PLPP4: variants seen among roughly 807,000 people sequenced by gnomAD.
The protein encoded by PLPP4 is phospholipid phosphatase 4.
Under a neutral mutation model 32.2 loss-of-function variants are expected in PLPP4, and 20 were observed. The observed-to-expected ratio is 0.62, with a 90% CI of 0.44 to 0.90. The LOEUF (loss-of-function observed/expected upper bound fraction) is 0.90. Among genes scored for constraint, PLPP4 ranks in the 40% least tolerant of loss-of-function variants. PLPP4 has a pLI of 0.00. For missense variants in PLPP4, 257 were observed against 353.1 expected (o/e 0.73, Z 2.18); for synonymous variants, 127 against 133.0 (o/e 0.95, Z 0.31).
chr10:120,590,813 G>A lies in PLPP4; in HGVS notation c.*1311G>A, dbSNP rs1264914015. Among the ~76,000 whole-genome samples the A allele has an allele frequency of 7.1e-6, 1 of 141,752 alleles. No homozygotes were observed. Among genetic ancestry groups the A allele is most frequent in the African/African-American group, 2.7e-5 (1 of 37,260 alleles). 93.0% of individuals were successfully genotyped at this position (141,752 alleles called of 152,430 possible). A position where few individuals can be genotyped will look rare whatever the true frequency, so the allele number is the denominator to read the frequency against. ...GATGGAGTCTCGCTGTGTCGAGACT[G>A]CACTGGAGTGCAGTGGCGTGATCTT... On this transcript the variant is annotated 3_prime_UTR_variant, in exon 7 of 7. Coordinates refer to ENST00000398250, the MANE Select transcript of PLPP4 (RefSeq NM_001030059.3).
intron 5 of PLPP4, among the ~76,000 whole-genome samples, chr10:120,574,318 A>G (rs951805186): frequency 2.6e-5 from 4 of 151,862 alleles, no homozygotes; most frequent in Admixed American, 2.6e-4. Flanking sequence ...GTGACTCTGT[A>G]TAGCCAGGGT....
chr10:120,555,344 T>A (rs1408290829), intron 5 of PLPP4, among the ~76,000 whole-genome samples: 2 of 152,192 alleles, frequency 1.3e-5, no homozygotes, highest in African/African-American at 4.8e-5. Context: ...TTCTAGTGTT[T>A]AAATCACATT....
chr10:120,579,700 G>A (rs1849390104), intron 6 of PLPP4, among the ~76,000 whole-genome samples: 1 of 152,064 alleles, frequency 6.6e-6, no homozygotes, highest in African/African-American at 2.4e-5. Context: ...TTTTGTTACT[G>A]ATAAACCCAG....
At chr10:120,532,525 C>T (rs1249281421) in intron 5 of PLPP4, among the ~76,000 whole-genome samples, 1 of 152,110 alleles carries the variant, frequency 6.6e-6, no homozygotes, top group Non-Finnish European at 1.5e-5. Context: ...AGTATATTGT[C>T]TATTGTATAT....
chr10:120,580,906 T>A, intron 6 of PLPP4: 1 of 1,289,340 alleles, frequency 7.8e-7, no homozygotes, highest in Non-Finnish European at 1.0e-6. Context: ...AGTTGGCTGC[T>A]GTGTATGGCA....
intron 1 of PLPP4, among the ~76,000 whole-genome samples, chr10:120,487,036 G>A (rs1358061724): frequency 6.6e-6 from 1 of 152,248 alleles, no homozygotes; most frequent in Non-Finnish European, 1.5e-5. Flanking sequence ...ATGAGATAAC[G>A]AGGAGGAAGA....
intron 5 of PLPP4, among the ~76,000 whole-genome samples, chr10:120,558,290 A>G (rs1848252036): frequency 6.6e-6 from 1 of 152,004 alleles, no homozygotes; most frequent in Non-Finnish European, 1.5e-5. Context: ...TGAACTTTAC[A>G]TAAAGGGAGT....
intron 2 of PLPP4, among the ~76,000 whole-genome samples, chr10:120,505,961 G>A (rs1012591902): frequency 1.3e-4 from 20 of 152,294 alleles, no homozygotes; most frequent in Admixed American, 1.1e-3. Context: ...CATATGGGAT[G>A]TTGTGAGAAA....
intron 6 of PLPP4, among the ~76,000 whole-genome samples, chr10:120,583,548 A>G (rs1468365641): frequency 6.6e-6 from 1 of 152,194 alleles, no homozygotes; most frequent in Non-Finnish European, 1.5e-5. Flanking sequence ...CTAATTCTAG[A>G]ACATTTTCAT....
At chr10:120,569,136 G>C (rs1193322413) in intron 5 of PLPP4, among the ~76,000 whole-genome samples, 6 of 152,052 alleles carry the variant, frequency 3.9e-5, no homozygotes, top group Non-Finnish European at 8.8e-5. Flanking sequence ...CTACTCAGGA[G>C]GCTGAGGCAG....
chr10:120,534,806 G>A (rs1048028946), intron 5 of PLPP4, among the ~76,000 whole-genome samples: 2 of 151,882 alleles, frequency 1.3e-5, no homozygotes, highest in Non-Finnish European at 2.9e-5. Flanking sequence ...TTTATAATTT[G>A]TGTCTTTATT....
intron 5 of PLPP4, among the ~76,000 whole-genome samples, chr10:120,525,456 A>T (rs1846347258): frequency 6.6e-6 from 1 of 152,212 alleles, no homozygotes; most frequent in Non-Finnish European, 1.5e-5. Context: ...ATGAAGATTC[A>T]ACAGATGATT....
intron 4 of PLPP4, among the ~76,000 whole-genome samples, chr10:120,519,255 A>C (rs1846055874): frequency 6.6e-6 from 1 of 152,042 alleles, no homozygotes; most frequent in Non-Finnish European, 1.5e-5. Flanking sequence ...TCTCTTCAGG[A>C]TGAGACATAT....
chr10:120,487,687 T>C (rs1465796117), intron 1 of PLPP4, among the ~76,000 whole-genome samples: 1 of 152,188 alleles, frequency 6.6e-6, no homozygotes, highest in Non-Finnish European at 1.5e-5. Flanking sequence ...CTGAAACTTT[T>C]GGCTTCTCCA....
At chr10:120,497,392 T>C (rs1665626675) in intron 1 of PLPP4, among the ~76,000 whole-genome samples, 1 of 152,134 alleles carries the variant, frequency 6.6e-6, no homozygotes, top group South Asian at 2.1e-4. Context: ...TTTGCTTGCC[T>C]TCCACTCACT....
intron 5 of PLPP4, among the ~76,000 whole-genome samples, chr10:120,561,940 G>C (rs1219334063): frequency 6.6e-6 from 1 of 152,156 alleles, no homozygotes; most frequent in Admixed American, 6.5e-5. Context: ...CTTTTCTTCG[G>C]AAGTGTCTTA....
chr10:120,541,140 C>T (rs1047380099), intron 5 of PLPP4, among the ~76,000 whole-genome samples: 1 of 152,114 alleles, frequency 6.6e-6, no homozygotes, highest in African/African-American at 2.4e-5. Context: ...AATTGAGTTA[C>T]TTCGTATTTA....
rs966676193 is a variant in PLPP4 at position 120,566,320 on chromosome 10, A to T, written c.446-8811A>T. On this transcript the variant is annotated intron_variant, in intron 5 of 6. Transcript: ENST00000398250. ...GTTGAAGTTGAATTCCTCTAGAGAGATATTTTGCCAATTGCCTGACAGCAC... is the reference window on the plus strand; with the variant it reads ...GTTGAAGTTGAATTCCTCTAGAGAGTTATTTTGCCAATTGCCTGACAGCAC... 2.6e-5 allele frequency among the ~76,000 whole-genome samples: 4 copies of T among 152,116 alleles called. No individual in the cohort carries two copies. The South Asian group carries it at 8.3e-4, about 32-fold the overall frequency.
In PLPP4 at chr10:120,532,003, C is replaced by A. The variant is rs539106075; in HGVS notation, c.445+10908C>A. 9.9e-5 allele frequency among the ~76,000 whole-genome samples: 15 copies of A among 152,134 alleles called. 1 individual carries two copies. The East Asian group carries it at 2.9e-3, about 29-fold the overall frequency. Reference sequence around the variant, plus strand: ...GGTATACATGTGCCATGGTGGTTTGCTGCACCCATCAACCCATCGTCTACA... The same window carrying A: ...GGTATACATGTGCCATGGTGGTTTGATGCACCCATCAACCCATCGTCTACA... On this transcript the variant is annotated intron_variant, in intron 5 of 6. Coordinates refer to ENST00000398250, the MANE Select transcript of PLPP4 (RefSeq NM_001030059.3).
Sources: allele counts gnomAD v4.1 joint callset (sites outside exome capture counted in the v4.1 genomes callset), GRCh38; gene constraint gnomAD v4.1.1; transcripts MANE v1.5; gene names NCBI Gene and HGNC (gene_info 2026-07-23, HGNC 2026-07-21).